ZFHX4: variants seen among roughly 807,000 people sequenced by gnomAD.
ZFHX4 encodes the protein zinc finger homeobox protein 4.
Under a neutral mutation model 267.6 loss-of-function variants are expected in ZFHX4, and 56 were observed. The observed-to-expected ratio is 0.21, with a 90% CI of 0.17 to 0.26. ZFHX4 has a LOEUF of 0.26. ZFHX4 is among the 10% of genes least tolerant of loss of function. The pLI, the probability that ZFHX4 is intolerant of heterozygous loss-of-function variation, is 1.00. For synonymous variants in ZFHX4, 1,778 were observed against 1,665.6 expected (o/e 1.07, Z -1.64); for missense variants, 4,332 against 4,420.0 (o/e 0.98, Z 0.56).
chr8:76,783,639 G>A (rs185896643), intron 4 of ZFHX4, among the ~76,000 whole-genome samples: 55 of 151,956 alleles, frequency 3.6e-4, no homozygotes, highest in Non-Finnish European at 7.4e-4. Flanking sequence ...GAGAATAATG[G>A]TAAAACTGAC....
chr8:76,706,452 C>T lies in ZFHX4; in HGVS notation c.2364C>T (p.Ser788=), dbSNP rs1418043692. ...VARNLRIHMT[S]EKHMHNMMLL... ...GGAACCTCCGAATTCATATGACCAG[C>T]GAAAAGCACATGCATAATATGATGC... is the stretch of plus-strand genomic sequence containing the variant. Residue 788 remains serine, a synonymous_variant, in exon 2 of 11, where the codon AGC becomes AGT. Coordinates refer to ENST00000651372, the MANE Select transcript of ZFHX4 (RefSeq NM_024721.5). The T allele has an allele frequency of 4.3e-6, 7 of 1,613,962 alleles. No individual in the cohort carries two copies. The highest frequency in any genetic ancestry group is 1.3e-5 in the African/African-American group (1 of 74,942).
At chr8:76,729,646 C>A (rs926907353) in intron 3 of ZFHX4, among the ~76,000 whole-genome samples, 6 of 152,130 alleles carry the variant, frequency 3.9e-5, no homozygotes, top group African/African-American at 9.7e-5. Flanking sequence ...TTGCCCTTTT[C>A]TCTTAACATA....
Position 76,705,703 on chromosome 8 carries a change from A to G in ZFHX4, c.1615A>G (p.Thr539Ala), listed in dbSNP as rs1482943676. Residue 539 changes from threonine (T) to alanine (A), a missense_variant, in exon 2 of 11, where the codon ACT (threonine) becomes GCT (alanine). Around this residue, in one of 7 missense-constraint regions of ZFHX4, gnomAD observed 1,195 missense variants for 1,173.6 expected, o/e 1.02. Transcript: ENST00000651372. ...TGATGACACAGAAAAGAAAAAACAGACTGCTGCTGTTAGGGCCAGTGGCAG... is the reference window on the plus strand; with the variant it reads ...TGATGACACAGAAAAGAAAAAACAGGCTGCTGCTGTTAGGGCCAGTGGCAG... The part of the protein sequence containing the change: ...VSDDTEKKKQ[T>A]AAVRASGSVA... 1.2e-6 allele frequency: 2 copies of G among 1,613,978 alleles called. No homozygotes were observed.
intron 1 of ZFHX4, among the ~76,000 whole-genome samples, chr8:76,697,352 A>G (rs2131593117): frequency 6.6e-6 from 1 of 152,102 alleles, no homozygotes; most frequent in African/African-American, 2.4e-5. Context: ...TTGAAGCCAA[A>G]TATTCTACAG....
At position 76,863,044 on chromosome 8, in the gene ZFHX4, G is replaced by C; in HGVS notation, c.9380-50G>C. The C allele has an allele frequency of 2.1e-6, 3 of 1,456,094 alleles. No individual in the cohort carries two copies. In the South Asian group the frequency reaches 4.4e-5, roughly 21 times the overall value. The allele number at this position is 1,456,094 out of a possible 1,614,324, so 90.2% of individuals were successfully genotyped here. On this transcript the variant is annotated intron_variant, in intron 10 of 10. Coordinates refer to ENST00000651372, the MANE Select transcript of ZFHX4 (RefSeq NM_024721.5). ...TTAGGTGTTAAGCATACAGCCTTCC[G>C]ATGTTGGTCTGTACATTGACAGTGG... is the stretch of plus-strand genomic sequence containing the variant.
chr8:76,800,223 G>A (rs1375883821), intron 4 of ZFHX4, among the ~76,000 whole-genome samples: 7 of 152,114 alleles, frequency 4.6e-5, no homozygotes, highest in African/African-American at 7.2e-5. Flanking sequence ...GGGACTGAGC[G>A]TGGCAGAAGT....
At chr8:76,770,764 G>A (rs1442518291) in intron 3 of ZFHX4, among the ~76,000 whole-genome samples, 1 of 152,102 alleles carries the variant, frequency 6.6e-6, no homozygotes, top group Non-Finnish European at 1.5e-5. Flanking sequence ...GGAGAAATAG[G>A]AGTAAGACAG....
intron 4 of ZFHX4, among the ~76,000 whole-genome samples, chr8:76,779,802 C>T (rs1033722101): frequency 3.3e-5 from 5 of 152,120 alleles, no homozygotes; most frequent in East Asian, 3.9e-4. Flanking sequence ...CCAGCAATCA[C>T]GAACCTATAA....
rs1810546863 is a variant in ZFHX4, at chr8:76,781,535, G to GTT, written c.3325+3096_3325+3097insTT. Among the ~76,000 whole-genome samples, 3 of 152,040 alleles carry GTT rather than the reference G, an allele frequency of 2.0e-5. No homozygotes were observed. The East Asian group carries it at 5.8e-4, about 29-fold the overall frequency. ...CAATACAAGCCTGGTTCTTAAACTG[G>GTT]GTTTCTTAACTTTTCATTTGATTTT... On this transcript the variant is annotated intron_variant, in intron 4 of 10. Coordinates refer to ENST00000651372, the MANE Select transcript of ZFHX4 (RefSeq NM_024721.5).
intron 4 of ZFHX4, among the ~76,000 whole-genome samples, chr8:76,825,684 T>C (rs561453878): frequency 1.3e-5 from 2 of 152,346 alleles, no homozygotes; most frequent in African/African-American, 4.8e-5. Flanking sequence ...GATGGTTTCA[T>C]GGATAATGTC....
intron 5 of ZFHX4, among the ~76,000 whole-genome samples, chr8:76,838,420 T>A (rs1812147016): frequency 6.6e-6 from 1 of 152,218 alleles, no homozygotes. Context: ...CCAGGTATCT[T>A]GGACATAATC....
intron 5 of ZFHX4, among the ~76,000 whole-genome samples, chr8:76,833,889 T>G (rs1767629895): frequency 6.6e-6 from 1 of 152,172 alleles, no homozygotes; most frequent in African/African-American, 2.4e-5. Flanking sequence ...GTCTATTCAT[T>G]GTTTCCACCT....
rs749570520 is a variant in ZFHX4, at chr8:76,856,146, C to T, written c.9225C>T (p.Gly3075=). ...TAAAGAAAGCTTCAGACGTGCTGGG[C>T]TTGACGGTACAGCAGCCAGGCATGA... The part of the protein sequence containing the change: ...DRIKKASDVL[G]LTVQQPGMMD... The change falls in exon 10 of 11, where the codon GGC becomes GGT. Residue 3075 remains glycine (G), a synonymous_variant. Coordinates refer to ENST00000651372, the MANE Select transcript of ZFHX4 (RefSeq NM_024721.5). 1 of 1,613,986 alleles carries T rather than the reference C, an allele frequency of 6.2e-7. No homozygotes were observed. Among genetic ancestry groups the T allele is most frequent in the Non-Finnish European group, 8.5e-7 (1 of 1,179,870 alleles).
intron 3 of ZFHX4, among the ~76,000 whole-genome samples, chr8:76,756,452 T>C (rs1293473494): frequency 1.3e-5 from 2 of 152,010 alleles, no homozygotes; most frequent in Non-Finnish European, 2.9e-5. Context: ...TTGGGATGGG[T>C]GGGTAGAGGC....
rs1182243709 is a variant in ZFHX4 at position 76,854,692 on chromosome 8, A to C, written c.7771A>C (p.Ser2591Arg). The C allele has an allele frequency of 3.1e-6, 5 of 1,613,730 alleles. No individual in the cohort carries two copies. The South Asian group carries it at 3.3e-5, about 11-fold the overall frequency. The part of the protein sequence containing the change: ...KLDDKEDNNC[S>R]EKEGGNSGED... Reference sequence around the variant, plus strand: ...AGACGATAAAGAAGATAATAATTGCAGTGAAAAAGAAGGAGGGAATAGCGG... The same window carrying C: ...AGACGATAAAGAAGATAATAATTGCCGTGAAAAAGAAGGAGGGAATAGCGG... Residue 2591 changes from serine to arginine, a missense_variant, in exon 10 of 11, where the codon AGT (serine) becomes CGT (arginine). Ser to Arg is a moderately radical substitution (Grantham distance 110). Coordinates refer to ENST00000651372, the MANE Select transcript of ZFHX4 (RefSeq NM_024721.5).
chr8:76,715,659 A>G (rs1808552852), intron 3 of ZFHX4, among the ~76,000 whole-genome samples: 1 of 152,100 alleles, frequency 6.6e-6, no homozygotes, highest in South Asian at 2.1e-4. Flanking sequence ...TGTAATGACC[A>G]GTTACAGTGT....
At chr8:76,794,479 G>T (rs368167697) in intron 4 of ZFHX4, among the ~76,000 whole-genome samples, 2 of 152,062 alleles carry the variant, frequency 1.3e-5, no homozygotes, top group Non-Finnish European at 2.9e-5. Context: ...GATTTCTTTT[G>T]CTCTGTGGCA....
At chr8:76,738,149 A>G (rs1809214130) in intron 3 of ZFHX4, among the ~76,000 whole-genome samples, 2 of 152,186 alleles carry the variant, frequency 1.3e-5, no homozygotes, top group South Asian at 4.1e-4. Flanking sequence ...TTAGTGGCAC[A>G]TGTATCCAAA....
At chr8:76,714,917 GA>G (rs1194528380) in intron 3 of ZFHX4, among the ~76,000 whole-genome samples, 3 of 152,172 alleles carry the variant, frequency 2.0e-5, no homozygotes, top group African/African-American at 7.2e-5. Context: ...TAGTCATCAA[GA>G]GTTTCCATGC....
Sources: gnomAD v4.1 joint callset for allele counts (sites outside exome capture counted in the v4.1 genomes callset) on GRCh38, gnomAD v4.1.1 for gene constraint, gnomAD v4.1.1 regional missense constraint, MANE v1.5 for transcripts, NCBI Gene and HGNC (gene_info 2026-07-23, HGNC 2026-07-21) for gene names.